The following ZNF385D variants were observed in gnomAD, a reference collection of about 807,000 sequenced individuals.
ZNF385D encodes the protein zinc finger protein 385D.
Under a neutral mutation model 35.8 loss-of-function variants are expected in ZNF385D, and 15 were observed. The ratio of observed to expected loss-of-function variants is 0.42; its 90% confidence interval spans 0.28 to 0.64. The LOEUF (loss-of-function observed/expected upper bound fraction) is 0.64, where lower values mean the gene tolerates loss of function less well. Among genes scored for constraint, ZNF385D ranks in the 30% least tolerant of loss-of-function variants. ZNF385D has a pLI of 0.23. For missense variants in ZNF385D, 474 were observed against 494.6 expected (o/e 0.96, Z 0.39); for synonymous variants, 212 against 186.8 (o/e 1.13, Z -1.10).
At chr3:21,455,243 T>G (rs1464242770) in intron 4 of ZNF385D, among the ~76,000 whole-genome samples, 1 of 152,118 alleles carries the variant, frequency 6.6e-6, no homozygotes, top group African/African-American at 2.4e-5. Context: ...TATTGTAAAG[T>G]TCATATGGAA....
intron 3 of ZNF385D, among the ~76,000 whole-genome samples, chr3:21,794,092 T>C (rs2072042178): frequency 6.6e-6 from 1 of 152,108 alleles, no homozygotes; most frequent in Non-Finnish European, 1.5e-5. Context: ...CTGCTGACAG[T>C]GTCATCAAGA....
intron 1 of ZNF385D, among the ~76,000 whole-genome samples, chr3:21,726,060 G>A (rs1200232273): frequency 6.6e-6 from 1 of 152,062 alleles, no homozygotes; most frequent in Non-Finnish European, 1.5e-5. Flanking sequence ...CACATAAACA[G>A]AACCAATGAC....
chr3:22,081,715 G>C (rs1203921713), intron 3 of ZNF385D, among the ~76,000 whole-genome samples: 1 of 152,144 alleles, frequency 6.6e-6, no homozygotes, highest in South Asian at 2.1e-4. Flanking sequence ...CAGCCTTTGA[G>C]TTAAAATGGC....
chr3:21,811,418 A>G (rs2072917269), intron 3 of ZNF385D, among the ~76,000 whole-genome samples: 1 of 152,214 alleles, frequency 6.6e-6, no homozygotes, highest in Non-Finnish European at 1.5e-5. Flanking sequence ...AGGTCAAAAG[A>G]AAGTAGAAAG....
intron 3 of ZNF385D, among the ~76,000 whole-genome samples, chr3:21,879,571 G>C (rs980098923): frequency 1.3e-5 from 2 of 151,890 alleles, no homozygotes; most frequent in Non-Finnish European, 2.9e-5. Flanking sequence ...TATTACTATA[G>C]GTATGAAGTC....
intron 4 of ZNF385D, among the ~76,000 whole-genome samples, chr3:21,468,859 A>G (rs1054149565): frequency 2.3e-4 from 35 of 151,942 alleles, no homozygotes; most frequent in African/African-American, 8.0e-4. Context: ...AACTTGGGAG[A>G]CAGAGATTGC....
At chr3:22,368,762 C>T (rs1696771511) in intron 2 of ZNF385D, among the ~76,000 whole-genome samples, 1 of 152,182 alleles carries the variant, frequency 6.6e-6, no homozygotes, top group Non-Finnish European at 1.5e-5. Flanking sequence ...TCAAAGGCTT[C>T]ACCTCAAATA....
At chr3:21,449,343 T>C (rs1213254988) in intron 4 of ZNF385D, among the ~76,000 whole-genome samples, 1 of 152,118 alleles carries the variant, frequency 6.6e-6, no homozygotes, top group Non-Finnish European at 1.5e-5. Context: ...GGCATTTCTA[T>C]TCCATTTCAC....
chr3:21,920,841 C>T (rs1417292532), intron 3 of ZNF385D, among the ~76,000 whole-genome samples: 1 of 152,094 alleles, frequency 6.6e-6, no homozygotes, highest in African/African-American at 2.4e-5. Flanking sequence ...TGTAACACTG[C>T]TTGATGATTA....
At chr3:21,613,494 C>T (rs548812960) in intron 2 of ZNF385D, among the ~76,000 whole-genome samples, 26 of 152,016 alleles carry the variant, frequency 1.7e-4, no homozygotes, top group African/African-American at 4.3e-4. Flanking sequence ...GGTCCTGAAA[C>T]AAGCTTCATC....
intron 2 of ZNF385D, among the ~76,000 whole-genome samples, chr3:22,233,589 A>T (rs1699015933): frequency 6.6e-6 from 1 of 152,110 alleles, no homozygotes; most frequent in Non-Finnish European, 1.5e-5. Flanking sequence ...AAACTTAAGA[A>T]AAGTGCCCAC....
chr3:21,973,077 T>C (rs1703367468), intron 3 of ZNF385D, among the ~76,000 whole-genome samples: 2 of 151,842 alleles, frequency 1.3e-5, no homozygotes, highest in Admixed American at 1.3e-4. Context: ...GAGATCAGGA[T>C]TACACTGATA....
chr3:22,299,824 A>G (rs993019355), intron 2 of ZNF385D, among the ~76,000 whole-genome samples: 2 of 151,996 alleles, frequency 1.3e-5, no homozygotes, highest in Non-Finnish European at 2.9e-5. Context: ...GAACACAAAT[A>G]AATGGAAAGA....
intron 3 of ZNF385D, among the ~76,000 whole-genome samples, chr3:22,030,104 C>T (rs1216212747): frequency 6.6e-6 from 1 of 151,154 alleles, no homozygotes; most frequent in Non-Finnish European, 1.5e-5. Context: ...CAGTCTATAT[C>T]TTTCTCCCAT....
chr3:21,532,711 T>A (rs190116198), intron 3 of ZNF385D, among the ~76,000 whole-genome samples: 1 of 152,134 alleles, frequency 6.6e-6, no homozygotes, highest in Non-Finnish European at 1.5e-5. Context: ...TAGTAACTTT[T>A]AGGATTATAT....
chr3:21,569,872 C>T lies in ZNF385D; in HGVS notation c.166-5188G>A, dbSNP rs2063274933. On this transcript the variant is annotated intron_variant, in intron 2 of 7. Transcript: ENST00000281523. Reference sequence around the variant, plus strand: ...GAATTGAACAATGAGAACACATGGACACAGGAAGGGGAACATCACACTCTG... The same window carrying T: ...GAATTGAACAATGAGAACACATGGATACAGGAAGGGGAACATCACACTCTG... 2.4e-5 allele frequency among the ~76,000 whole-genome samples: 3 copies of T among 127,324 alleles called. No individual in the cohort carries two copies. In the Admixed American group the frequency reaches 3.0e-4, roughly 13 times the overall value. The allele number at this position is 127,324 out of a possible 152,430, so 83.5% of individuals were successfully genotyped here. A position where few individuals can be genotyped will look rare whatever the true frequency, so the allele number is the denominator to read the frequency against.
In ZNF385D at chr3:21,735,400, C is replaced by T. The variant is rs542202715; in HGVS notation, c.22+15495G>A. ...TGCCACTCACTACTGGTTGCTTATTCGGGCTAGGCAATTAAATTTGTTAAT... is the reference window on the plus strand; with the variant it reads ...TGCCACTCACTACTGGTTGCTTATTTGGGCTAGGCAATTAAATTTGTTAAT... On this transcript the variant is annotated intron_variant, in intron 1 of 7. Coordinates refer to ENST00000281523, the MANE Select transcript of ZNF385D (RefSeq NM_024697.3). Among the ~76,000 whole-genome samples the T allele has an allele frequency of 3.9e-5, 6 of 152,202 alleles. No homozygotes were observed. The South Asian group carries it at 8.3e-4, about 21-fold the overall frequency.
intron 4 of ZNF385D, among the ~76,000 whole-genome samples, chr3:21,455,972 GACAC>G (rs1702782274): frequency 6.6e-6 from 1 of 152,054 alleles, no homozygotes; most frequent in Non-Finnish European, 1.5e-5. Context: ...GCAGCCAAAA[GACAC>G]ATGAAAAAAT....
intron 2 of ZNF385D, among the ~76,000 whole-genome samples, chr3:21,603,142 G>A (rs1157378850): frequency 6.6e-6 from 1 of 152,172 alleles, no homozygotes; most frequent in Non-Finnish European, 1.5e-5. Flanking sequence ...TATGTACCAA[G>A]CCATATAGGA....
Sources: gnomAD v4.1 joint callset for allele counts (sites outside exome capture counted in the v4.1 genomes callset) on GRCh38, gnomAD v4.1.1 for gene constraint, MANE v1.5 for transcripts, NCBI Gene and HGNC (gene_info 2026-07-23, HGNC 2026-07-21) for gene names.